MICALL1: variants seen among roughly 807,000 people sequenced by gnomAD.
MICALL1 encodes the protein MICAL like 1, also known as MICAL-like protein 1.
MICALL1 carries 61 observed loss-of-function variants against 83.7 expected under a neutral mutation model. That is an observed-to-expected ratio of 0.73 (90% CI 0.59 to 0.90). MICALL1 has a LOEUF of 0.90. MICALL1 is among the 40% of genes least tolerant of loss of function. The pLI, the probability that MICALL1 is intolerant of heterozygous loss-of-function variation, is 0.00. For synonymous variants in MICALL1, 481 were observed against 473.6 expected (o/e 1.02, Z -0.20); for missense variants, 1,066 against 1,152.0 (o/e 0.93, Z 1.08).
At chr22:37,912,051 G>T (rs1426194447) in intron 2 of MICALL1, 51 bp downstream of exon 2, 2 of 1,588,656 alleles carry the variant, frequency 1.3e-6, no homozygotes, top group Non-Finnish European at 1.7e-6. Context: ...ATGTGTGTGT[G>T]TGTGTGTGTG....
chr22:37,931,863 A>G lies in MICALL1; in HGVS notation c.1946A>G (p.Lys649Arg). The G allele has an allele frequency of 6.2e-7, 1 of 1,614,124 alleles. No individual in the cohort carries two copies. Among genetic ancestry groups the G allele is most frequent in the Non-Finnish European group, 8.5e-7 (1 of 1,180,022 alleles). Residue 649 changes from lysine (K) to arginine (R), a missense_variant, in exon 10 of 16, where the codon AAG becomes AGG. Lys to Arg is a conservative substitution (Grantham distance 26). Coordinates refer to ENST00000215957, the MANE Select transcript of MICALL1 (RefSeq NM_033386.4). ...CCTGCAGCGTCCCCAGCCACAAAGA[A>G]GGCCACCAAGGGATCCAAGCCAGTG... is the stretch of plus-strand genomic sequence containing the variant. Reference protein sequence around the residue: ...PSPAASPATKKATKGSKPVRP... With the variant: ...PSPAASPATKRATKGSKPVRP...
In MICALL1 at chr22:37,924,709, G is replaced by T; in HGVS notation, c.1074G>T (p.Pro358=). The T allele has an allele frequency of 1.2e-6, 2 of 1,612,270 alleles. No individual in the cohort carries two copies. Among genetic ancestry groups the T allele is most frequent in the Non-Finnish European group, 1.7e-6 (2 of 1,179,030 alleles). The change falls in exon 7 of 16, where the codon CCG becomes CCT. Residue 358 remains proline (P), a synonymous_variant. Coordinates refer to ENST00000215957, the MANE Select transcript of MICALL1 (RefSeq NM_033386.4). The surrounding 1 kb of genome is among the most constrained non-coding windows in gnomAD (Gnocchi z 5.2). Reference sequence around the variant, plus strand: ...CCAAGCCGAGGGGGACACCGAAGCCGTCCGAGGGGTATGTCGATCCCTGAG... The same window carrying T: ...CCAAGCCGAGGGGGACACCGAAGCCTTCCGAGGGGTATGTCGATCCCTGAG... The part of the protein sequence containing the change: ...PVPKPRGTPK[P]SEGTPAPRKD...
At chr22:37,922,817 T>TTTTTTTTTTTTTC (rs1257998331) in intron 6 of MICALL1, among the ~76,000 whole-genome samples, 1 of 142,450 alleles carries the variant, frequency 7.0e-6, no homozygotes, top group African/African-American at 2.6e-5. Context: ...TTTTTTTTTT[T>TTTTTTTTTTTTTC]AGTAGAGACG....
rs921473391 is a variant in MICALL1, at chr22:37,924,084, C to T, written c.1025-576C>T. Among the ~76,000 whole-genome samples the T allele has an allele frequency of 6.6e-6, 1 of 152,138 alleles. No individual in the cohort carries two copies. The highest frequency in any genetic ancestry group is 6.5e-5 in the Admixed American group (1 of 15,268). On this transcript the variant is annotated intron_variant, in intron 6 of 15. Transcript: ENST00000215957. This position sits in a 1 kb window ranked among gnomAD's most constrained non-coding sequence, Gnocchi z 5.2. ...CCATTAGGGAAGGCATTGGTGGCCACGGGGAGAGAGACTCCCAGGGTCACC... is the reference window on the plus strand; with the variant it reads ...CCATTAGGGAAGGCATTGGTGGCCATGGGGAGAGAGACTCCCAGGGTCACC...
At chr22:37,937,228 A>G (rs1930181014) in intron 14 of MICALL1, 34 bp downstream of exon 14, 5 of 1,226,266 alleles carry the variant, frequency 4.1e-6, no homozygotes, top group Non-Finnish European at 5.7e-6. Context: ...TCCTGGGGGC[A>G]GGGCCAGAGC....
At position 37,932,940 on chromosome 22, in the gene MICALL1, T is replaced by C. The variant is rs749612031; in HGVS notation, c.2234+52T>C. The C allele has an allele frequency of 2.5e-6, 4 of 1,612,520 alleles. No individual in the cohort carries two copies. The highest frequency in any genetic ancestry group is 2.2e-5 in the East Asian group (1 of 44,828). ...TCCCTGGAATCCGTAGAGCTTAGAA[T>C]GGAGAACCCTTACCCTCTTCCCTCA... On this transcript the variant is annotated intron_variant, in intron 12 of 15. Coordinates refer to ENST00000215957, the MANE Select transcript of MICALL1 (RefSeq NM_033386.4). The surrounding 1 kb of genome is among the most constrained non-coding windows in gnomAD (Gnocchi z 4.4).
intron 9 of MICALL1, among the ~76,000 whole-genome samples, chr22:37,931,098 G>T (rs1929761441): frequency 6.6e-6 from 1 of 152,244 alleles, no homozygotes; most frequent in Non-Finnish European, 1.5e-5. Context: ...ATGCTAGATG[G>T]CTGCCCAGGC....
At chr22:37,917,872 C>T in intron 4 of MICALL1, 77 bp downstream of exon 4, 1 of 1,284,454 alleles carries the variant, frequency 7.8e-7, no homozygotes. Context: ...ATTGCAGTGA[C>T]TGGGTCATGT....
intron 3 of MICALL1, among the ~76,000 whole-genome samples, chr22:37,917,494 G>A (rs1355209518): frequency 6.6e-6 from 1 of 152,198 alleles, no homozygotes; most frequent in Non-Finnish European, 1.5e-5. Flanking sequence ...TTTGATGGAG[G>A]TTCAGTGAGG....
intron 1 of MICALL1, among the ~76,000 whole-genome samples, chr22:37,910,466 C>A (rs1928246971): frequency 6.6e-6 from 1 of 152,006 alleles, no homozygotes; most frequent in Admixed American, 6.6e-5. Flanking sequence ...GTGTCCTGAA[C>A]CGGACCGGGA....
Position 37,912,430 on chromosome 22 carries a change from A to G in MICALL1, c.275A>G (p.Asp92Gly). Residue 92 changes from aspartate to glycine, a missense_variant, in exon 3 of 16, where the codon GAC (aspartate) becomes GGC (glycine). Transcript: ENST00000215957. The stretch of plus-strand genomic sequence containing the variant: ...GACATGGTCTCCATGAGCGTCCCTG[A>G]CTGCCTCAGCATCATGACCTATGTG... ...PNDMVSMSVPDCLSIMTYVSQ... is the reference protein window; with the variant it reads ...PNDMVSMSVPGCLSIMTYVSQ... The G allele has an allele frequency of 4.3e-6, 7 of 1,613,862 alleles. No individual in the cohort carries two copies. Among genetic ancestry groups the G allele is most frequent in the Non-Finnish European group, 5.1e-6 (6 of 1,179,876 alleles).
chr22:37,917,730 G>T lies in MICALL1; in HGVS notation c.361G>T (p.Gly121Cys), dbSNP rs1172591444. 2 of 1,613,900 alleles carry T rather than the reference G, an allele frequency of 1.2e-6. No homozygotes were observed. The highest frequency in any genetic ancestry group is 1.7e-6 in the Non-Finnish European group (2 of 1,179,916). Residue 121 changes from glycine (G) to cysteine (C), a missense_variant, in exon 4 of 16, where the codon GGC (glycine) becomes TGC (cysteine). Transcript: ENST00000215957. ...GQAGVSPPRK[G>C]LAPCSPPSVA... The stretch of plus-strand genomic sequence containing the variant: ...AGCTGGTGTCTCGCCACCCAGAAAG[G>T]GCCTTGCACCCTGTTCCCCGCCGTC...
intron 1 of MICALL1, among the ~76,000 whole-genome samples, chr22:37,909,338 G>A (rs1312231940): frequency 2.7e-5 from 4 of 150,700 alleles, no homozygotes; most frequent in African/African-American, 7.3e-5. Flanking sequence ...ACAGGCGTGA[G>A]CCACCATGCC....
intron 6 of MICALL1, 28 bp downstream of exon 6, chr22:37,922,454 G>T: frequency 6.8e-7 from 1 of 1,461,200 alleles, no homozygotes; most frequent in Non-Finnish European, 9.0e-7. Flanking sequence ...AGGGCAGGGG[G>T]CACCGGGTGG....
chr22:37,937,296 C>A, intron 14 of MICALL1, 102 bp downstream of exon 14: 1 of 1,004,078 alleles, frequency 1.0e-6, no homozygotes, highest in Non-Finnish European at 1.5e-6. Flanking sequence ...AAGACACAGT[C>A]CACGCCTCAG....
In MICALL1 at chr22:37,917,730, G is replaced by C; in HGVS notation, c.361G>C (p.Gly121Arg). ...AGCTGGTGTCTCGCCACCCAGAAAG[G>C]GCCTTGCACCCTGTTCCCCGCCGTC... ...GQAGVSPPRK[G>R]LAPCSPPSVA... The change falls in exon 4 of 16, where the codon GGC becomes CGC. Residue 121 changes from glycine to arginine, a missense_variant. By Grantham distance (125) the Gly-to-Arg change is moderately radical. Coordinates refer to ENST00000215957, the MANE Select transcript of MICALL1 (RefSeq NM_033386.4). The C allele has an allele frequency of 6.2e-6, 10 of 1,613,900 alleles. No individual in the cohort carries two copies. Among genetic ancestry groups the C allele is most frequent in the Non-Finnish European group, 8.5e-6 (10 of 1,179,916 alleles).
At chr22:37,937,960 C>T (rs1234830972) in intron 15 of MICALL1, 168 bp downstream of exon 15, 5 of 829,398 alleles carry the variant, frequency 6.0e-6, no homozygotes, top group Admixed American at 4.4e-5. Context: ...CAAGAGAGGC[C>T]AGCATACAGC....
At chr22:37,934,033 C>T (rs773905906) in intron 13 of MICALL1, among the ~76,000 whole-genome samples, 106 of 152,230 alleles carry the variant, frequency 7.0e-4, no homozygotes, top group Non-Finnish European at 1.1e-3. Context: ...GTGTGAGTCA[C>T]TCCCAACTCT....
chr22:37,915,844 A>G (rs1022365542), intron 3 of MICALL1, among the ~76,000 whole-genome samples: 2 of 151,882 alleles, frequency 1.3e-5, no homozygotes, highest in Non-Finnish European at 2.9e-5. Flanking sequence ...ATAGGGTTTC[A>G]CTATGATGGC....
Sources: allele counts gnomAD v4.1 joint callset (sites outside exome capture counted in the v4.1 genomes callset), GRCh38; gene constraint gnomAD v4.1.1; non-coding constraint Gnocchi (gnomAD v3.1); transcripts MANE v1.5; gene names NCBI Gene and HGNC (gene_info 2026-07-23, HGNC 2026-07-21).